Variants in DYM observed in about 807,000 individuals in gnomAD.
DYM encodes the protein dymeclin, also known as dyggve-Melchior-Clausen syndrome protein.
Under a neutral mutation model 93.1 loss-of-function variants are expected in DYM, and 78 were observed. That is an observed-to-expected ratio of 0.84 (90% CI 0.70 to 1.01). DYM has a LOEUF of 1.01. Among genes scored for constraint, DYM ranks in the 50% least tolerant of loss-of-function variants. DYM has a pLI of 0.00. For synonymous variants in DYM, 321 were observed against 319.7 expected (o/e 1.00, Z -0.04); for missense variants, 789 against 845.0 (o/e 0.93, Z 0.82).
chr18:49,148,181 C>G (rs959934798), intron 15 of DYM, among the ~76,000 whole-genome samples: 3 of 151,828 alleles, frequency 2.0e-5, no homozygotes, highest in Non-Finnish European at 4.4e-5. Flanking sequence ...CATCACACAC[C>G]GGGGCCTGTT....
chr18:49,446,931 C>G (rs1229499136), intron 1 of DYM, among the ~76,000 whole-genome samples: 1 of 151,820 alleles, frequency 6.6e-6, no homozygotes, highest in South Asian at 2.1e-4. Flanking sequence ...TGGTGGCAGG[C>G]GCCTGTAATC....
intron 11 of DYM, among the ~76,000 whole-genome samples, chr18:49,258,837 C>CAGAGAGAGAGAGAGAG: frequency 7.2e-6 from 1 of 138,140 alleles, no homozygotes; most frequent in African/African-American, 2.8e-5. Flanking sequence ...CACACACACA[C>CAGAGAGAGAGAGAGAG]ACAGAGAGAG....
chr18:49,286,560 G>A lies in DYM; in HGVS notation c.820C>T (p.Pro274Ser), dbSNP rs755933089. 8.7e-6 allele frequency: 14 copies of A among 1,614,132 alleles called. No individual in the cohort carries two copies. The East Asian group carries it at 3.1e-4, about 36-fold the overall frequency. ...GGVGSKAAASPELSSPLANQS... is the reference protein window; with the variant it reads ...GGVGSKAAASSELSSPLANQS... ...TTGGCCAGAGGGGAAGAAAGCTCTGGAGAGGCAGCCGCTTTGCTGCCCACA... is the reference window on the plus strand; with the variant it reads ...TTGGCCAGAGGGGAAGAAAGCTCTGAAGAGGCAGCCGCTTTGCTGCCCACA... Residue 274 changes from proline (P) to serine (S), a missense_variant, in exon 9 of 18, where the codon CCA becomes TCA. Pro to Ser is a moderately conservative substitution (Grantham distance 74, BLOSUM62 -1). Transcript: ENST00000675505.
intron 14 of DYM, among the ~76,000 whole-genome samples, chr18:49,166,391 T>C (rs554427441): frequency 6.6e-6 from 1 of 152,336 alleles, no homozygotes; most frequent in South Asian, 2.1e-4. Flanking sequence ...TAGTCCATTA[T>C]TAATCACTCA....
intron 3 of DYM, among the ~76,000 whole-genome samples, chr18:49,381,293 T>C (rs1025805094): frequency 3.3e-5 from 5 of 152,180 alleles, no homozygotes; most frequent in Non-Finnish European, 5.9e-5. Flanking sequence ...GGCCCATACA[T>C]ATATATTTTA....
At chr18:49,295,843 T>A (rs1052652653) in intron 8 of DYM, among the ~76,000 whole-genome samples, 1 of 151,956 alleles carries the variant, frequency 6.6e-6, no homozygotes, top group African/African-American at 2.4e-5. Flanking sequence ...AAAAAAAAAA[T>A]ACACAGGTAT....
chr18:49,081,474 G>C (rs1296155828), intron 17 of DYM, among the ~76,000 whole-genome samples: 5 of 148,984 alleles, frequency 3.4e-5, no homozygotes, highest in Middle Eastern at 3.4e-3. Context: ...GCTTTGGCTC[G>C]GCATCAGAGG....
At chr18:49,094,542 A>G (rs1026805795) in intron 17 of DYM, among the ~76,000 whole-genome samples, 7 of 152,228 alleles carry the variant, frequency 4.6e-5, no homozygotes, top group African/African-American at 1.7e-4. Context: ...GAATACCAGT[A>G]AGAAGAGAAT....
At chr18:49,258,043 T>G (rs1371125068) in intron 12 of DYM, among the ~76,000 whole-genome samples, 1 of 152,230 alleles carries the variant, frequency 6.6e-6, no homozygotes, top group Non-Finnish European at 1.5e-5. Flanking sequence ...TTAATTCATA[T>G]TTTCTTGTGC....
chr18:49,437,936 C>A (rs893793263), intron 1 of DYM, among the ~76,000 whole-genome samples: 2 of 152,160 alleles, frequency 1.3e-5, no homozygotes, highest in Non-Finnish European at 2.9e-5. Flanking sequence ...ACCTGTACAC[C>A]TGTAATCCCA....
intron 8 of DYM, among the ~76,000 whole-genome samples, chr18:49,321,824 T>C (rs1184785279): frequency 6.6e-6 from 1 of 152,058 alleles, no homozygotes; most frequent in Admixed American, 6.6e-5. Flanking sequence ...AGAGATGAAA[T>C]GAGAATATAA....
intron 17 of DYM, among the ~76,000 whole-genome samples, chr18:49,063,592 A>AAGGTAGTAAT (rs2076159225): frequency 1.3e-5 from 2 of 149,186 alleles, no homozygotes; most frequent in Admixed American, 1.3e-4. Context: ...CTTTGCTGAG[A>AAGGTAGTAAT]AGGTAGTAAT....
rs563435836 is a variant in DYM, at chr18:49,424,832, A to G, written c.140+5423T>C. Among the ~76,000 whole-genome samples the G allele has an allele frequency of 2.0e-5, 3 of 152,326 alleles. No homozygotes were observed. The East Asian group carries it at 5.8e-4, about 29-fold the overall frequency. On this transcript the variant is annotated intron_variant, in intron 2 of 17. Coordinates refer to ENST00000675505, the MANE Select transcript of DYM (RefSeq NM_001353214.3). ...AATAAAATACCTAGGAATCCAACTT[A>G]CAAGGGATGTGAAAGACCTCTTCAA...
intron 6 of DYM, among the ~76,000 whole-genome samples, chr18:49,339,532 G>T (rs745552842): frequency 4.7e-4 from 72 of 152,142 alleles, no homozygotes; most frequent in Admixed American, 9.2e-4. Flanking sequence ...AAGAACTAAG[G>T]GAGGCCTCCA....
chr18:49,170,204 T>G (rs985776780), intron 14 of DYM, among the ~76,000 whole-genome samples: 14 of 152,166 alleles, frequency 9.2e-5, no homozygotes, highest in Admixed American at 7.9e-4. Flanking sequence ...GATGATGGAA[T>G]TGAACCAGAG....
intron 2 of DYM, among the ~76,000 whole-genome samples, chr18:49,413,476 T>C (rs1022477599): frequency 1.3e-5 from 2 of 152,164 alleles, no homozygotes; most frequent in African/African-American, 4.8e-5. Flanking sequence ...ATTTTATCAT[T>C]CTATTTTATC....
intron 13 of DYM, among the ~76,000 whole-genome samples, chr18:49,252,512 C>T (rs982139013): frequency 6.6e-6 from 1 of 152,178 alleles, no homozygotes; most frequent in Admixed American, 6.5e-5. Context: ...CACCTGTTCT[C>T]TCCCTTCACA....
chr18:49,410,932 T>C (rs942758594), intron 2 of DYM, among the ~76,000 whole-genome samples: 1 of 152,242 alleles, frequency 6.6e-6, no homozygotes, highest in Non-Finnish European at 1.5e-5. Context: ...TAGCATATTA[T>C]TGTCCATATG....
intron 1 of DYM, among the ~76,000 whole-genome samples, chr18:49,441,129 TATATAA>T: frequency 2.5e-4 from 1 of 3,964 alleles, no homozygotes; most frequent in African/African-American, 4.2e-4. Flanking sequence ...ATTATATATT[TATATAA>T]ATATATTATA....
Sources: allele counts gnomAD v4.1 joint callset (sites outside exome capture counted in the v4.1 genomes callset), GRCh38; gene constraint gnomAD v4.1.1; transcripts MANE v1.5; gene names NCBI Gene and HGNC (gene_info 2026-07-23, HGNC 2026-07-21).